TMEM123: variants seen among roughly 807,000 people sequenced by gnomAD.
The protein encoded by TMEM123 is transmembrane protein 123, also known as porimin.
Under a neutral mutation model 19.7 loss-of-function variants are expected in TMEM123, and 16 were observed. The observed-to-expected ratio is 0.81, with a 90% CI of 0.55 to 1.23. The LOEUF (loss-of-function observed/expected upper bound fraction) is 1.23. Among genes scored for constraint, TMEM123 ranks in the 50% most tolerant of loss-of-function variants. The pLI is 0.00. For synonymous variants in TMEM123, 118 were observed against 99.4 expected, an observed-to-expected ratio of 1.19 and a Z score of -1.12; for missense variants, 313 against 257.8, an observed-to-expected ratio of 1.21 and a Z score of -1.47.
At chr11:102,449,010 G>T in intron 1 of TMEM123, 142 bp from the exon 2 acceptor site, 1 of 768,828 alleles carries the variant, frequency 1.3e-6, no homozygotes, top group Non-Finnish European at 2.2e-6. Context: ...TTTGGCCCCT[G>T]TTGTTATGAA....
intron 2 of TMEM123, among the ~76,000 whole-genome samples, chr11:102,428,174 T>G (rs1352861323): frequency 1.3e-5 from 2 of 152,194 alleles, no homozygotes; most frequent in African/African-American, 4.8e-5. Flanking sequence ...TACATTAATT[T>G]AAAAGGTTTT....
At chr11:102,424,273 T>C (rs749884694) in intron 2 of TMEM123, among the ~76,000 whole-genome samples, 9 of 152,372 alleles carry the variant, frequency 5.9e-5, no homozygotes, top group South Asian at 2.1e-4. Flanking sequence ...ACTATGATTA[T>C]AAAAACAGTA....
intron 2 of TMEM123, among the ~76,000 whole-genome samples, chr11:102,428,794 T>C (rs988283140): frequency 1.3e-5 from 2 of 152,172 alleles, no homozygotes; most frequent in Non-Finnish European, 2.9e-5. Flanking sequence ...TCATCAAGAA[T>C]AGGCTATAAC....
intron 2 of TMEM123, among the ~76,000 whole-genome samples, chr11:102,443,102 G>A (rs1351309015): frequency 1.1e-4 from 17 of 152,106 alleles, no homozygotes; most frequent in African/African-American, 3.1e-4. Flanking sequence ...AATCAATATC[G>A]TGAAAATGGC....
intron 1 of TMEM123, among the ~76,000 whole-genome samples, chr11:102,451,989 A>G (rs1478755426): frequency 6.6e-6 from 1 of 152,224 alleles, no homozygotes; most frequent in Non-Finnish European, 1.5e-5. Flanking sequence ...TAGCTCCAAG[A>G]GCCCCGAAGT....
At chr11:102,402,798 A>G (rs1030107048) in intron 2 of TMEM123, among the ~76,000 whole-genome samples, 1 of 152,242 alleles carries the variant, frequency 6.6e-6, no homozygotes, top group Non-Finnish European at 1.5e-5. Flanking sequence ...CATACTGGTA[A>G]TAATAATTTC....
intron 2 of TMEM123, among the ~76,000 whole-genome samples, chr11:102,442,436 C>A (rs568394920): frequency 1.4e-4 from 21 of 152,014 alleles, no homozygotes; most frequent in Non-Finnish European, 2.6e-4. Flanking sequence ...ACAGAACCAA[C>A]GACAAAAACC....
chr11:102,405,282 G>GAC (rs1437478999), intron 2 of TMEM123, among the ~76,000 whole-genome samples: 1 of 151,442 alleles, frequency 6.6e-6, no homozygotes, highest in African/African-American at 2.4e-5. Flanking sequence ...CTGATCTCCT[G>GAC]ACCTTGTGAT....
intron 2 of TMEM123, among the ~76,000 whole-genome samples, chr11:102,407,998 G>A (rs1435975677): frequency 1.3e-5 from 2 of 152,126 alleles, no homozygotes; most frequent in African/African-American, 4.8e-5. Flanking sequence ...GGTTCCTTTT[G>A]CAGATCTTTG....
At chr11:102,442,733 T>C (rs561137309) in intron 2 of TMEM123, among the ~76,000 whole-genome samples, 1 of 152,098 alleles carries the variant, frequency 6.6e-6, no homozygotes, top group African/African-American at 2.4e-5. Context: ...GGGTATTCAA[T>C]TAGGAAAAGA....
intron 2 of TMEM123, among the ~76,000 whole-genome samples, chr11:102,421,861 A>AC (rs1235965601): frequency 6.6e-6 from 1 of 152,140 alleles, no homozygotes; most frequent in Non-Finnish European, 1.5e-5. Context: ...GATCTGTAGA[A>AC]CATCAATGGG....
chr11:102,444,936 G>C (rs536153996), intron 2 of TMEM123, among the ~76,000 whole-genome samples: 1 of 151,172 alleles, frequency 6.6e-6, no homozygotes, highest in Non-Finnish European at 1.5e-5. Flanking sequence ...ACCAAACACC[G>C]CATGTTCTCA....
chr11:102,408,663 C>G (rs1452180809), intron 2 of TMEM123, among the ~76,000 whole-genome samples: 9 of 152,206 alleles, frequency 5.9e-5, no homozygotes. Flanking sequence ...AAATGTAACT[C>G]CCCTACAGAG....
chr11:102,426,843 A>G (rs1429065053), intron 2 of TMEM123, among the ~76,000 whole-genome samples: 1 of 51,542 alleles, frequency 1.9e-5, no homozygotes, highest in Non-Finnish European at 3.8e-5. Flanking sequence ...TCATGGCTTA[A>G]TGTTTTTAAA....
Position 102,398,368 on chromosome 11 carries a change from A to T in TMEM123, c.*499T>A, listed in dbSNP as rs1423443898. The T allele has an allele frequency of 7.7e-6, 3 of 389,412 alleles. No individual in the cohort carries two copies. Among genetic ancestry groups the T allele is most frequent in the Non-Finnish European group, 1.4e-5 (3 of 220,964 alleles). The allele number at this position is 389,412 out of a possible 1,614,324, so 24.1% of individuals were successfully genotyped here. A position where few individuals can be genotyped will look rare whatever the true frequency, so the allele number is the denominator to read the frequency against. On this transcript the variant is annotated 3_prime_UTR_variant, in exon 5 of 5. Coordinates refer to ENST00000398136, the MANE Select transcript of TMEM123 (RefSeq NM_052932.3). Reference sequence around the variant, plus strand: ...CACAAAAAATGTTGATGTTTTTCTTAAATTATGCTTCAGATCTAGTTTGAT... The same window carrying T: ...CACAAAAAATGTTGATGTTTTTCTTTAATTATGCTTCAGATCTAGTTTGAT...
chr11:102,448,135 G>A, intron 2 of TMEM123: 1 of 427,062 alleles, frequency 2.3e-6, no homozygotes, highest in South Asian at 1.7e-5. Context: ...AAACAAGTTA[G>A]TGATAGGATT....
At chr11:102,448,664 G>A (rs1352256164) in intron 2 of TMEM123, 148 bp downstream of exon 2, 2 of 682,086 alleles carry the variant, frequency 2.9e-6, no homozygotes, top group Admixed American at 2.1e-5. Context: ...CTACTATAGG[G>A]CACTAGGGCA....
intron 2 of TMEM123, among the ~76,000 whole-genome samples, chr11:102,419,417 G>T (rs1337016666): frequency 6.6e-6 from 1 of 152,118 alleles, no homozygotes. Flanking sequence ...GGCAAGAAAG[G>T]TTCCTTCACA....
rs1237594055 is a variant in TMEM123, at chr11:102,402,088, T to A, written c.276A>T (p.Thr92=). The A allele has an allele frequency of 6.2e-7, 1 of 1,614,174 alleles. No individual in the cohort carries two copies. Among genetic ancestry groups the A allele is most frequent in the South Asian group, 1.1e-5 (1 of 91,084 alleles). The change falls in exon 3 of 5, where the codon ACA becomes ACT. Residue 92 remains threonine (T), a synonymous_variant. Transcript: ENST00000398136. ...CTGGTGTTGTTGTATTAGATGCCGC[T>A]GTAGGTTTCATGGTGGTGACCGTTG... ...SNTTVTTMKP[T]AASNTTTPGM...
Sources: gnomAD v4.1 joint callset for allele counts (sites outside exome capture counted in the v4.1 genomes callset) on GRCh38, gnomAD v4.1.1 for gene constraint, MANE v1.5 for transcripts, NCBI Gene and HGNC (gene_info 2026-07-23, HGNC 2026-07-21) for gene names.